Variants in FXYD7 observed in about 807,000 individuals in gnomAD.
FXYD7 encodes the protein FXYD domain containing ion transport regulator 7.
A neutral mutation model predicts 15.3 loss-of-function variants in FXYD7; 7 were observed. The ratio of observed to expected loss-of-function variants is 0.46; its 90% CI spans 0.26 to 0.86. The LOEUF (loss-of-function observed/expected upper bound fraction) is 0.86. Among genes scored for constraint, FXYD7 ranks in the 40% least tolerant of loss-of-function variants. The pLI, the probability that FXYD7 is intolerant of heterozygous loss-of-function variation, is 0.16. For missense variants in FXYD7, 78 were observed against 100.6 expected (o/e 0.78, Z 0.96); for synonymous variants, 39 against 39.3 (o/e 0.99, Z 0.03).
At position 35,152,010 on chromosome 19, in the gene FXYD7, G is replaced by A. The variant is rs139899620; in HGVS notation, c.220+337G>A. Among the ~76,000 whole-genome samples the A allele has an allele frequency of 1.6e-3, 242 of 151,278 alleles. 1 individual carries two copies. Among genetic ancestry groups the A allele is most frequent in the African/African-American group, 5.7e-3 (232 of 41,050 alleles). ...AAAAATTAGCCGGGCATGGTGGTGC[G>A]CACCTGTAATCCCAGCTACTCAGGA... On this transcript the variant is annotated intron_variant, in intron 5 of 5. Transcript: ENST00000270310.
At chr19:35,145,672 G>A (rs367638833) in intron 1 of FXYD7, among the ~76,000 whole-genome samples, 35 of 152,302 alleles carry the variant, frequency 2.3e-4, no homozygotes, top group Non-Finnish European at 4.1e-4. Flanking sequence ...CTGAAGCAGC[G>A]TCTCACCATC....
At chr19:35,148,087 GAA>G (rs1568405901) in intron 1 of FXYD7, among the ~76,000 whole-genome samples, 50 of 124,100 alleles carry the variant, frequency 4.0e-4, no homozygotes, top group East Asian at 1.4e-3. Flanking sequence ...AAGAAAGAAA[GAA>G]AGAAAGAGAG....
At chr19:35,148,804 T>G in intron 2 of FXYD7, 81 bp downstream of exon 2, 1 of 1,257,330 alleles carries the variant, frequency 8.0e-7, no homozygotes, top group South Asian at 1.2e-5. Flanking sequence ...TGGCTTCAGC[T>G]GTGGCCACAC....
rs1422222275 is a variant in FXYD7, at chr19:35,143,264, G to C, written c.-70G>C. The C allele has an allele frequency of 8.7e-7, 1 of 1,153,200 alleles. No individual in the cohort carries two copies. The highest frequency in any genetic ancestry group is 1.2e-6 in the Non-Finnish European group (1 of 801,768). The allele number at this position is 1,153,200 out of a possible 1,614,324, so 71.4% of individuals were successfully genotyped here. ...CCCCAGCTCCCCCCCACATCGGTCC[G>C]TCCTGCTTCCAGCTGCTGCAGCGCG... On this transcript the variant is annotated 5_prime_UTR_variant, in exon 1 of 6. Coordinates refer to ENST00000270310, the MANE Select transcript of FXYD7 (RefSeq NM_022006.2). The surrounding 1 kb of genome is among the most constrained non-coding windows in gnomAD (Gnocchi z 4.3).
intron 1 of FXYD7, among the ~76,000 whole-genome samples, chr19:35,144,413 C>T (rs2065281166): frequency 6.6e-6 from 1 of 152,204 alleles, no homozygotes; most frequent in Non-Finnish European, 1.5e-5. Flanking sequence ...CCCCTAATAG[C>T]CCCCACTGCT....
intron 5 of FXYD7, among the ~76,000 whole-genome samples, chr19:35,153,033 C>CTTTGTTT (rs1555737607): frequency 6.8e-5 from 3 of 44,142 alleles, no homozygotes; most frequent in South Asian, 8.9e-4. Context: ...TTTCACGTTC[C>CTTTGTTT]TTTTTTTTTT....
rs910437471 is a variant in FXYD7 at position 35,154,194 on chromosome 19, G to A, written c.*278G>A. 5 of 516,908 alleles carry A rather than the reference G, an allele frequency of 9.7e-6. No homozygotes were observed. Among genetic ancestry groups the A allele is most frequent in the African/African-American group, 9.0e-5 (4 of 44,368 alleles). The allele number at this position is 516,908 out of a possible 1,614,324, so 32.0% of individuals were successfully genotyped here. ...CCGGCCCAGCACCCCCAGCATCCCC[G>A]TGTATGGCCCCCCTGCACCTCCTTG... On this transcript the variant is annotated 3_prime_UTR_variant, in exon 6 of 6. Coordinates refer to ENST00000270310, the MANE Select transcript of FXYD7 (RefSeq NM_022006.2).
intron 5 of FXYD7, among the ~76,000 whole-genome samples, chr19:35,152,687 G>A (rs2065315795): frequency 6.6e-6 from 1 of 151,778 alleles, no homozygotes; most frequent in Admixed American, 6.6e-5. Flanking sequence ...GCCCAGGAAG[G>A]AAGGGGAGGA....
At position 35,145,841 on chromosome 19, in the gene FXYD7, G is replaced by A. The variant is rs535967900; in HGVS notation, c.31+2477G>A. ...CGCCTAGGCTGGAGTGCAATGGCAC[G>A]ATCACAGCTCACTGCAGCCTCAACA... On this transcript the variant is annotated intron_variant, in intron 1 of 5. Coordinates refer to ENST00000270310, the MANE Select transcript of FXYD7 (RefSeq NM_022006.2). Among the ~76,000 whole-genome samples, 7 of 152,138 alleles carry A rather than the reference G, an allele frequency of 4.6e-5. No individual in the cohort carries two copies. In the South Asian group the frequency reaches 8.3e-4, roughly 18 times the overall value.
At chr19:35,146,840 A>T (rs1303586758) in intron 1 of FXYD7, among the ~76,000 whole-genome samples, 2 of 152,144 alleles carry the variant, frequency 1.3e-5, no homozygotes, top group Non-Finnish European at 2.9e-5. Flanking sequence ...TGAAGACTAG[A>T]CAGAGACCTG....
chr19:35,153,535 G>A (rs1373447108), intron 5 of FXYD7, among the ~76,000 whole-genome samples: 3 of 152,194 alleles, frequency 2.0e-5, no homozygotes, highest in Admixed American at 2.0e-4. Flanking sequence ...ACTTCCCGTT[G>A]TATCCAAATG....
chr19:35,153,033 C>CTTTTTTTTTTTTTTTTTTTTT lies in FXYD7; in HGVS notation c.221-852_221-832dup, dbSNP rs954084904. On this transcript the variant is annotated intron_variant, in intron 5 of 5. Transcript: ENST00000270310. ...TTGGTGTGGAATTTGTTTCACGTTC[C>CTTTTTTTTTTTTTTTTTTTTT]TTTTTTTTTTTTTTTTTTTTTTTTT... Among the ~76,000 whole-genome samples, 11 of 44,140 alleles carry CTTTTTTTTTTTTTTTTTTTTT rather than the reference C, an allele frequency of 2.5e-4. 2 individuals are homozygous for CTTTTTTTTTTTTTTTTTTTTT. Among genetic ancestry groups the CTTTTTTTTTTTTTTTTTTTTT allele is most frequent in the Admixed American group, 1.0e-3 (3 of 2,970 alleles). The allele number at this position is 44,140 out of a possible 152,430, so 29.0% of individuals were successfully genotyped here. A position where few individuals can be genotyped will look rare whatever the true frequency, so the allele number is the denominator to read the frequency against.
At chr19:35,144,433 TC>T (rs2065281281) in intron 1 of FXYD7, among the ~76,000 whole-genome samples, 1 of 152,146 alleles carries the variant, frequency 6.6e-6, no homozygotes, top group African/African-American at 2.4e-5. Context: ...TAATCCTGCT[TC>T]TGCAGATGAG....
chr19:35,144,886 T>C (rs1424391861), intron 1 of FXYD7, among the ~76,000 whole-genome samples: 1 of 151,982 alleles, frequency 6.6e-6, no homozygotes, highest in East Asian at 1.9e-4. Context: ...AGGAAAAGCA[T>C]GTTGTGCATT....
chr19:35,148,040 AAAGAAAGAAAG>A (rs2065295341), intron 1 of FXYD7, among the ~76,000 whole-genome samples: 1 of 89,954 alleles, frequency 1.1e-5, no homozygotes, highest in African/African-American at 6.1e-5. Flanking sequence ...AGAAAGAAAG[AAAGAAAGAAAG>A]AAAGAAAGAA....
chr19:35,149,028 T>A lies in FXYD7; in HGVS notation c.61+305T>A, dbSNP rs77917246. The A allele has an allele frequency of 4.0e-3, 2,183 of 546,502 alleles. 28 individuals are homozygous for A. Among genetic ancestry groups the A allele is most frequent in the African/African-American group, 0.037 (1,979 of 53,454 alleles). 33.9% of individuals were successfully genotyped at this position (546,502 alleles called of 1,614,324 possible). A position where few individuals can be genotyped will look rare whatever the true frequency, so the allele number is the denominator to read the frequency against. On this transcript the variant is annotated intron_variant, in intron 2 of 5. Transcript: ENST00000270310. ...AGAAGCAATGACTCTGAGCCCAGGC[T>A]GCCTGGATTTGAATCCTGCCTTATC...
intron 5 of FXYD7, 146 bp downstream of exon 5, chr19:35,151,819 A>T (rs1483380512): frequency 5.6e-6 from 4 of 713,470 alleles, no homozygotes; most frequent in Non-Finnish European, 1.0e-5. Context: ...ATTCCCTAGG[A>T]AGCTGAGGAA....
chr19:35,145,380 G>T (rs1191092519), intron 1 of FXYD7, among the ~76,000 whole-genome samples: 2 of 152,194 alleles, frequency 1.3e-5, no homozygotes, highest in South Asian at 2.1e-4. Context: ...AGGATCTTCC[G>T]CATGGAGGAG....
chr19:35,153,098 C>A (rs1383290186), intron 5 of FXYD7, among the ~76,000 whole-genome samples: 4 of 117,354 alleles, frequency 3.4e-5, no homozygotes, highest in Non-Finnish European at 4.8e-5. Context: ...GTTGCCCAGG[C>A]TGGAGTGCAG....
Sources: gnomAD v4.1 joint callset for allele counts (sites outside exome capture counted in the v4.1 genomes callset) on GRCh38, gnomAD v4.1.1 for gene constraint, Gnocchi (gnomAD v3.1) non-coding constraint, MANE v1.5 for transcripts, NCBI Gene and HGNC (gene_info 2026-07-23, HGNC 2026-07-21) for gene names.